Variants in PCDHB9 observed in about 807,000 individuals in gnomAD.
PCDHB9 encodes the protein protocadherin beta 9.
For missense variants in PCDHB9, 1,072 were observed against 995.1 expected, an observed-to-expected ratio of 1.08 and a Z score of -1.04; for synonymous variants, 501 against 439.7, an observed-to-expected ratio of 1.14 and a Z score of -1.75.
rs1753857047 is a variant in PCDHB9 at position 141,189,840 on chromosome 5, T to G, written c.*128T>G. The G allele has an allele frequency of 9.3e-6, 7 of 754,046 alleles. No individual in the cohort carries two copies. The highest frequency in any genetic ancestry group is 1.4e-5 in the Non-Finnish European group (7 of 489,122). The allele number at this position is 754,046 out of a possible 1,614,324, so 46.7% of individuals were successfully genotyped here. ...TCATCTTCAACTTTGCGTATTATGCTTAACTTCACAAGTTAACTTTTTCTT... is the reference window on the plus strand; with the variant it reads ...TCATCTTCAACTTTGCGTATTATGCGTAACTTCACAAGTTAACTTTTTCTT... On this transcript the variant is annotated 3_prime_UTR_variant, in exon 1 of 1. Transcript: ENST00000316105.
Position 141,188,292 on chromosome 5 carries a change from G to T in PCDHB9, c.974G>T (p.Gly325Val). ...ATAAATATACAGGCAATGGACGGCGGAGGCCTTTCTGCAAGATGTACAGTT... is the reference window on the plus strand; with the variant it reads ...ATAAATATACAGGCAATGGACGGCGTAGGCCTTTCTGCAAGATGTACAGTT... ...YKINIQAMDG[G>V]GLSARCTVLI... Residue 325 changes from glycine to valine, a missense_variant, in exon 1 of 1, where the codon GGA becomes GTA. Transcript: ENST00000316105. 1 of 1,614,190 alleles carries T rather than the reference G, an allele frequency of 6.2e-7. No individual in the cohort carries two copies. Among genetic ancestry groups the T allele is most frequent in the Non-Finnish European group, 8.5e-7 (1 of 1,180,040 alleles).
chr5:141,187,726 A>T lies in PCDHB9; in HGVS notation c.408A>T (p.Lys136Asn). ...INDHSPVFRH[K>N]EMVLKISENT... Reference sequence around the variant, plus strand: ...ATCACTCGCCAGTGTTTCGGCACAAAGAGATGGTCTTAAAAATATCAGAAA... The same window carrying T: ...ATCACTCGCCAGTGTTTCGGCACAATGAGATGGTCTTAAAAATATCAGAAA... The change falls in exon 1 of 1, where the codon AAA becomes AAT. Residue 136 changes from lysine to asparagine, a missense_variant. Coordinates refer to ENST00000316105, the MANE Select transcript of PCDHB9 (RefSeq NM_019119.5). 1.9e-6 allele frequency: 3 copies of T among 1,614,202 alleles called. No homozygotes were observed. Among genetic ancestry groups the T allele is most frequent in the Non-Finnish European group, 2.5e-6 (3 of 1,180,042 alleles).
chr5:141,187,205 T>A lies in PCDHB9; in HGVS notation c.-114T>A, dbSNP rs1753756403. 1.6e-6 allele frequency: 2 copies of A among 1,279,766 alleles called. No homozygotes were observed. The highest frequency in any genetic ancestry group is 2.4e-5 in the Admixed American group (1 of 40,894). The allele number at this position is 1,279,766 out of a possible 1,614,324, so 79.3% of individuals were successfully genotyped here. Reference sequence around the variant, plus strand: ...GAAGAAGAGCTGTCGAGTCCCTGATTGGGAAAGGAAAAATTAAAAACCCTA... The same window carrying A: ...GAAGAAGAGCTGTCGAGTCCCTGATAGGGAAAGGAAAAATTAAAAACCCTA... On this transcript the variant is annotated 5_prime_UTR_variant, in exon 1 of 1. Coordinates refer to ENST00000316105, the MANE Select transcript of PCDHB9 (RefSeq NM_019119.5).
chr5:141,189,606 A>G lies in PCDHB9; in HGVS notation c.2288A>G (p.Glu763Gly), dbSNP rs782356069. ...CTGACTGGAGGTTCAGAGACCGGCG[A>G]GTTCAAGTTCTTGAAGCCGATTACC... is the stretch of plus-strand genomic sequence containing the variant. ...VCLTGGSETG[E>G]FKFLKPITPH... The change falls in exon 1 of 1, where the codon GAG becomes GGG. Residue 763 changes from glutamate (E) to glycine (G), a missense_variant. Transcript: ENST00000316105. 1 of 1,614,052 alleles carries G rather than the reference A, an allele frequency of 6.2e-7. No homozygotes were observed. Among genetic ancestry groups the G allele is most frequent in the Non-Finnish European group, 8.5e-7 (1 of 1,180,012 alleles).
chr5:141,188,718 C>T lies in PCDHB9; in HGVS notation c.1400C>T (p.Ala467Val). The T allele has an allele frequency of 6.2e-7, 1 of 1,613,696 alleles. No homozygotes were observed. Among genetic ancestry groups the T allele is most frequent in the Non-Finnish European group, 8.5e-7 (1 of 1,180,032 alleles). ...TTCGTCCGGGAGAACAACAGCCCCG[C>T]CCTGCACATCGGCAGTGTCAGCGCC... Reference protein sequence around the residue: ...TLFVRENNSPALHIGSVSATD... With the variant: ...TLFVRENNSPVLHIGSVSATD... Residue 467 changes from alanine to valine, a missense_variant, in exon 1 of 1, where the codon GCC (alanine) becomes GTC (valine). Coordinates refer to ENST00000316105, the MANE Select transcript of PCDHB9 (RefSeq NM_019119.5).
rs1753877124 is a variant in PCDHB9 at position 141,190,500 on chromosome 5, T to G, written c.*788T>G. ...TACAATAATTTTCTTAAACTTTACC[T>G]TTTATTTTAAAGTTCTAGTTTCCCG... On this transcript the variant is annotated 3_prime_UTR_variant, in exon 1 of 1. Coordinates refer to ENST00000316105, the MANE Select transcript of PCDHB9 (RefSeq NM_019119.5). 6.6e-6 allele frequency: 1 copy of G among 152,002 alleles called. No individual in the cohort carries two copies. The highest frequency in any genetic ancestry group is 6.6e-5 in the Admixed American group (1 of 15,252). 9.4% of individuals were successfully genotyped at this position (152,002 alleles called of 1,614,324 possible).
rs1753787148 is a variant in PCDHB9 at position 141,188,148 on chromosome 5, T to A, written c.830T>A (p.Val277Glu). The change falls in exon 1 of 1, where the codon GTA becomes GAA. Residue 277 changes from valine to glutamate, a missense_variant. By Grantham distance (121) the Val-to-Glu change is moderately radical. Transcript: ENST00000316105. ...GDADSGVNAE[V>E]SYSFFDASED... is the part of the protein sequence containing the mutation. ...GCAGACTCAGGAGTCAATGCAGAAG[T>A]ATCCTATTCATTTTTTGATGCTTCT... 1 of 1,611,230 alleles carries A rather than the reference T, an allele frequency of 6.2e-7. No individual in the cohort carries two copies. Among genetic ancestry groups the A allele is most frequent in the African/African-American group, 1.3e-5 (1 of 74,868 alleles).
Position 141,189,545 on chromosome 5 carries a change from G to A in PCDHB9, c.2227G>A (p.Gly743Arg), listed in dbSNP as rs531240945. ...PGHLVDVSGT[G>R]TLFQSYQYEV... Reference sequence around the variant, plus strand: ...GCATCTGGTGGACGTGAGCGGCACCGGGACCCTGTTCCAGAGCTACCAGTA... The same window carrying A: ...GCATCTGGTGGACGTGAGCGGCACCAGGACCCTGTTCCAGAGCTACCAGTA... The change falls in exon 1 of 1, where the codon GGG (glycine) becomes AGG (arginine). Residue 743 changes from glycine to arginine, a missense_variant. Transcript: ENST00000316105. 5 of 1,614,132 alleles carry A rather than the reference G, an allele frequency of 3.1e-6. No individual in the cohort carries two copies. The South Asian group carries it at 3.3e-5, about 11-fold the overall frequency.
In PCDHB9 at chr5:141,189,504, A is replaced by T; in HGVS notation, c.2186A>T (p.Glu729Val). Residue 729 changes from glutamate (E) to valine (V), a missense_variant, in exon 1 of 1, where the codon GAG (glutamate) becomes GTG (valine). Physicochemically the swap from Glu to Val is moderately radical, Grantham distance 121. Coordinates refer to ENST00000316105, the MANE Select transcript of PCDHB9 (RefSeq NM_019119.5). ...AASVGRCSVP[E>V]GPFPGHLVDV... ...TCGGTGGGTCGCTGCTCGGTGCCCGAGGGTCCTTTTCCAGGGCATCTGGTG... is the reference window on the plus strand; with the variant it reads ...TCGGTGGGTCGCTGCTCGGTGCCCGTGGGTCCTTTTCCAGGGCATCTGGTG... 6.2e-7 allele frequency: 1 copy of T among 1,613,668 alleles called. No homozygotes were observed. Among genetic ancestry groups the T allele is most frequent in the Non-Finnish European group, 8.5e-7 (1 of 1,179,958 alleles).
At position 141,189,200 on chromosome 5, in the gene PCDHB9, A is replaced by G. The variant is rs17844535; in HGVS notation, c.1882A>G (p.Arg628Gly). Residue 628 changes from arginine (R) to glycine (G), a missense_variant, in exon 1 of 1, where the codon AGG becomes GGG. Arg to Gly is a moderately radical substitution (Grantham distance 125, BLOSUM62 -2). Transcript: ENST00000316105. ...GCACAATGGGGAGGTGCGCACCGCC[A>G]GGCTGCTGAGCGAGCGCGACGCGGC... ...WAHNGEVRTA[R>G]LLSERDAAKH... 130 of 1,603,954 alleles carry G rather than the reference A, an allele frequency of 8.1e-5. No homozygotes were observed. In the East Asian group the frequency reaches 2.5e-3, roughly 31 times the overall value.
At position 141,187,672 on chromosome 5, in the gene PCDHB9, GGCTGA is replaced by G. The variant is rs1753770313; in HGVS notation, c.361_365del (p.Leu121SerfsTer6). 6.2e-7 allele frequency: 1 copy of G among 1,613,902 alleles called. No homozygotes were observed. Among genetic ancestry groups the G allele is most frequent in the Non-Finnish European group, 8.5e-7 (1 of 1,180,036 alleles). ...TGGATGATCCCTTTCAGATTTACCG[GGCTGA>G]GCTGAGAGTCAGGGATATAAATGAT... is the stretch of plus-strand genomic sequence containing the variant. On this transcript the variant is annotated frameshift_variant, in exon 1 of 1. Transcript: ENST00000316105. LOFTEE classifies it low-confidence loss of function (END_TRUNC).
In PCDHB9 at chr5:141,190,581, A is replaced by G. The variant is rs147612838; in HGVS notation, c.*869A>G. ...GTTTCTCTTGTAAGTGATATGATAA[A>G]TAAACCCCTAATTAGCCTTAGAAGA... On this transcript the variant is annotated 3_prime_UTR_variant, in exon 1 of 1. Coordinates refer to ENST00000316105, the MANE Select transcript of PCDHB9 (RefSeq NM_019119.5). 2.5e-4 allele frequency: 38 copies of G among 150,290 alleles called. 1 individual carries two copies. In the East Asian group the frequency reaches 7.5e-3, roughly 30 times the overall value. The allele number at this position is 150,290 out of a possible 1,614,324, so 9.3% of individuals were successfully genotyped here.
Position 141,190,735 on chromosome 5 carries a change from A to T in PCDHB9, c.*1023A>T, listed in dbSNP as rs1170443234. ...ATTTGCTCCTTTTAATTCTGTATAA[A>T]CAAATCAGAGGTTCCTGAGGTTCCT... On this transcript the variant is annotated 3_prime_UTR_variant, in exon 1 of 1. Coordinates refer to ENST00000316105, the MANE Select transcript of PCDHB9 (RefSeq NM_019119.5). 1 of 151,358 alleles carries T rather than the reference A, an allele frequency of 6.6e-6. No homozygotes were observed. The highest frequency in any genetic ancestry group is 1.5e-5 in the Non-Finnish European group (1 of 67,898). 9.4% of individuals were successfully genotyped at this position (151,358 alleles called of 1,614,324 possible). A position where few individuals can be genotyped will look rare whatever the true frequency, so the allele number is the denominator to read the frequency against.
rs1252259411 is a variant in PCDHB9 at position 141,189,798 on chromosome 5, AC to A, written c.*87del. On this transcript the variant is annotated 3_prime_UTR_variant, in exon 1 of 1. Transcript: ENST00000316105. ...TGTGTATGCCCACCACAAAGAAGGT[AC>A]TATTTTTTGTTTGATTCATCTTCAA... 2.4e-6 allele frequency: 3 copies of A among 1,228,640 alleles called. No homozygotes were observed. The highest frequency in any genetic ancestry group is 3.4e-6 in the Non-Finnish European group (3 of 886,060). 76.1% of individuals were successfully genotyped at this position (1,228,640 alleles called of 1,614,324 possible). A position where few individuals can be genotyped will look rare whatever the true frequency, so the allele number is the denominator to read the frequency against.
In PCDHB9 at chr5:141,189,927, A is replaced by C. The variant is rs1753859150; in HGVS notation, c.*215A>C. ...CCATAAGTGAAATATAATATTTTTC[A>C]AAGTTGATATCATTTAAAAATTTTT... On this transcript the variant is annotated 3_prime_UTR_variant, in exon 1 of 1. Coordinates refer to ENST00000316105, the MANE Select transcript of PCDHB9 (RefSeq NM_019119.5). 2.2e-6 allele frequency: 1 copy of C among 450,612 alleles called. No homozygotes were observed. The highest frequency in any genetic ancestry group is 6.2e-5 in the South Asian group (1 of 16,224). The allele number at this position is 450,612 out of a possible 1,614,324, so 27.9% of individuals were successfully genotyped here. A position where few individuals can be genotyped will look rare whatever the true frequency, so the allele number is the denominator to read the frequency against.
chr5:141,187,903 G>T lies in PCDHB9; in HGVS notation c.585G>T (p.Val195=), dbSNP rs183741474. The change falls in exon 1 of 1, where the codon GTG becomes GTT. Residue 195 remains valine, a synonymous_variant. Coordinates refer to ENST00000316105, the MANE Select transcript of PCDHB9 (RefSeq NM_019119.5). The part of the protein sequence containing the change: ...SDEGMIYPEL[V]LDKALDREEQ... ...AAGGCATGATATATCCAGAGCTAGT[G>T]TTGGACAAAGCACTGGATCGGGAGG... 3.3e-3 allele frequency: 5,332 copies of T among 1,614,198 alleles called. 32 individuals are homozygous for T. The highest frequency in any genetic ancestry group is 0.027 in the Middle Eastern group (162 of 6,062).
Position 141,188,340 on chromosome 5 carries a change from A to T in PCDHB9, c.1022A>T (p.Asn341Ile). 6.2e-7 allele frequency: 1 copy of T among 1,614,150 alleles called. No homozygotes were observed. Among genetic ancestry groups the T allele is most frequent in the Non-Finnish European group, 8.5e-7 (1 of 1,180,008 alleles). The part of the protein sequence containing the change: ...CTVLIKVLDS[N>I]DNPPELIISS... Reference sequence around the variant, plus strand: ...GTTTTGATAAAAGTATTAGATTCCAATGACAATCCTCCTGAACTGATCATA... The same window carrying T: ...GTTTTGATAAAAGTATTAGATTCCATTGACAATCCTCCTGAACTGATCATA... Residue 341 changes from asparagine (N) to isoleucine (I), a missense_variant, in exon 1 of 1, where the codon AAT becomes ATT. Asn to Ile is a moderately radical substitution (Grantham distance 149). Coordinates refer to ENST00000316105, the MANE Select transcript of PCDHB9 (RefSeq NM_019119.5).
Position 141,188,948 on chromosome 5 carries a change from G to T in PCDHB9, c.1630G>T (p.Glu544Ter), listed in dbSNP as rs782481912. The T allele has an allele frequency of 4.3e-6, 7 of 1,611,786 alleles. No homozygotes were observed. The highest frequency in any genetic ancestry group is 2.2e-5 in the East Asian group (1 of 44,884). Residue 544 changes from glutamate to a stop codon, truncating the protein, a stop_gained, in exon 1 of 1, where the codon GAG becomes TAG. Transcript: ENST00000316105. LOFTEE classifies it low-confidence loss of function (END_TRUNC). ...CCGCGGCTCCCCGGCTTTGAGCAGCGAGGCGCTGGTGCGCGTACTGGTGCT... is the reference window on the plus strand; with the variant it reads ...CCGCGGCTCCCCGGCTTTGAGCAGCTAGGCGCTGGTGCGCGTACTGGTGCT... The part of the protein sequence containing the change: ...SDRGSPALSS[E>*]ALVRVLVLDA...
Position 141,188,881 on chromosome 5 carries a change from C to G in PCDHB9, c.1563C>G (p.Tyr521Ter). The change falls in exon 1 of 1, where the codon TAC becomes TAG. Residue 521 changes from tyrosine (Y) to a stop codon, truncating the protein, a stop_gained. Coordinates refer to ENST00000316105, the MANE Select transcript of PCDHB9 (RefSeq NM_019119.5). LOFTEE classifies it low-confidence loss of function (END_TRUNC). ...GHLFALRSLD[Y>*]EALQAFDFRV... ...TGTTTGCCCTCAGGTCGCTGGACTACGAGGCCCTGCAGGCTTTCGACTTCC... is the reference window on the plus strand; with the variant it reads ...TGTTTGCCCTCAGGTCGCTGGACTAGGAGGCCCTGCAGGCTTTCGACTTCC... The G allele has an allele frequency of 1.9e-6, 3 of 1,612,662 alleles. No individual in the cohort carries two copies. Among genetic ancestry groups the G allele is most frequent in the South Asian group, 1.1e-5 (1 of 91,006 alleles).
Sources: gnomAD v4.1 joint callset for allele counts on GRCh38, gnomAD v4.1.1 for gene constraint, MANE v1.5 for transcripts, NCBI Gene and HGNC (gene_info 2026-07-23, HGNC 2026-07-21) for gene names.